The following CPQ variants were observed in gnomAD, a reference collection of about 807,000 sequenced individuals.
CPQ encodes the protein carboxypeptidase Q.
Under a neutral mutation model 45.7 loss-of-function variants are expected in CPQ, and 37 were observed. The observed-to-expected ratio is 0.81, with a 90% CI of 0.62 to 1.07. CPQ has a LOEUF of 1.07. CPQ is among the 50% of genes least tolerant of loss of function. CPQ has a pLI of 0.00. For missense variants in CPQ, 537 were observed against 572.9 expected, an observed-to-expected ratio of 0.94 and a Z score of 0.64; for synonymous variants, 186 against 205.8, an observed-to-expected ratio of 0.90 and a Z score of 0.82.
intron 2 of CPQ, among the ~76,000 whole-genome samples, chr8:96,796,210 A>G (rs780850016): frequency 1.8e-4 from 27 of 152,122 alleles, no homozygotes; most frequent in Non-Finnish European, 3.2e-4. Flanking sequence ...ACCAAAAGTG[A>G]TATTTCCCTA....
At chr8:96,691,325 TATC>T (rs56776275) in intron 1 of CPQ, among the ~76,000 whole-genome samples, 179 of 152,300 alleles carry the variant, frequency 1.2e-3, no homozygotes, top group African/African-American at 4.2e-3. Flanking sequence ...TAAGGATACT[TATC>T]ATTGAATTTA....
At chr8:96,845,329 C>T (rs948981099) in intron 3 of CPQ, among the ~76,000 whole-genome samples, 2 of 152,124 alleles carry the variant, frequency 1.3e-5, no homozygotes, top group East Asian at 1.9e-4. Context: ...CTGTGTCTTT[C>T]GTGTACCTCA....
intron 4 of CPQ, among the ~76,000 whole-genome samples, chr8:96,916,781 C>G (rs550704451): frequency 6.6e-6 from 1 of 151,990 alleles, no homozygotes; most frequent in Non-Finnish European, 1.5e-5. Flanking sequence ...TTAGAATTTT[C>G]TTGTTTTTGA....
At chr8:96,774,126 C>T (rs188678064) in intron 1 of CPQ, among the ~76,000 whole-genome samples, 198 of 152,132 alleles carry the variant, frequency 1.3e-3, no homozygotes, top group African/African-American at 4.2e-3. Flanking sequence ...GAAAAATTAG[C>T]CGGGCACAGT....
intron 7 of CPQ, among the ~76,000 whole-genome samples, chr8:97,076,480 A>T (rs1810848003): frequency 6.6e-6 from 1 of 152,206 alleles, no homozygotes; most frequent in Non-Finnish European, 1.5e-5. Flanking sequence ...GTAAACCAGG[A>T]TTCCAATAAG....
chr8:97,141,037 C>T (rs914486399), intron 7 of CPQ, among the ~76,000 whole-genome samples: 1 of 151,944 alleles, frequency 6.6e-6, no homozygotes, highest in Non-Finnish European at 1.5e-5. Context: ...AAAATCATTT[C>T]CTATTCTGGA....
intron 4 of CPQ, among the ~76,000 whole-genome samples, chr8:96,950,563 A>C (rs1470123270): frequency 6.6e-6 from 1 of 152,078 alleles, no homozygotes; most frequent in Non-Finnish European, 1.5e-5. Flanking sequence ...TTAATTTTCA[A>C]ACTATGCACC....
intron 1 of CPQ, among the ~76,000 whole-genome samples, chr8:96,738,825 G>C (rs889962979): frequency 6.6e-6 from 1 of 152,128 alleles, no homozygotes; most frequent in Non-Finnish European, 1.5e-5. Context: ...ATTCCATGGT[G>C]TATATGTGCC....
intron 1 of CPQ, among the ~76,000 whole-genome samples, chr8:96,690,334 C>T (rs1291144335): frequency 6.6e-6 from 1 of 152,030 alleles, no homozygotes; most frequent in Non-Finnish European, 1.5e-5. Flanking sequence ...GAGAGGGGCA[C>T]CCCATTGTGT....
chr8:96,869,551 G>C lies in CPQ; in HGVS notation c.642-10247G>C, dbSNP rs1046344173. 4.6e-5 allele frequency among the ~76,000 whole-genome samples: 7 copies of C among 152,000 alleles called. No homozygotes were observed. The East Asian group carries it at 1.4e-3, about 29-fold the overall frequency. On this transcript the variant is annotated intron_variant, in intron 3 of 7. Coordinates refer to ENST00000220763, the MANE Select transcript of CPQ (RefSeq NM_016134.4). ...TGCCTTGCACATGGTAACTACTTAG[G>C]TATATTTGTGATCGAGTCTGTGAAA...
chr8:96,711,815 A>C (rs917101090), intron 1 of CPQ, among the ~76,000 whole-genome samples: 1 of 151,970 alleles, frequency 6.6e-6, no homozygotes, highest in Non-Finnish European at 1.5e-5. Context: ...GCCCCTCCCA[A>C]ATCTCATGTC....
chr8:96,848,502 C>T lies in CPQ; in HGVS notation c.641+13322C>T, dbSNP rs1002308051. ...ACTTTGTCTGCATTTTTTATTTGCA[C>T]ATTCTTTGATTGCTCTTTGTATGAC... is the stretch of plus-strand genomic sequence containing the variant. On this transcript the variant is annotated intron_variant, in intron 3 of 7. Coordinates refer to ENST00000220763, the MANE Select transcript of CPQ (RefSeq NM_016134.4). Among the ~76,000 whole-genome samples, 4 of 152,150 alleles carry T rather than the reference C, an allele frequency of 2.6e-5. No homozygotes were observed. The East Asian group carries it at 7.7e-4, about 29-fold the overall frequency.
chr8:96,773,233 T>A (rs1810568509), intron 1 of CPQ, among the ~76,000 whole-genome samples: 2 of 151,014 alleles, frequency 1.3e-5, no homozygotes, highest in African/African-American at 5.0e-5. Context: ...TATTAATAGA[T>A]ATTGTGCTAT....
intron 6 of CPQ, among the ~76,000 whole-genome samples, chr8:97,045,941 G>T (rs1044680815): frequency 5.2e-4 from 79 of 152,306 alleles, no homozygotes; most frequent in African/African-American, 1.9e-3. Context: ...AAGCCAGGAT[G>T]GGCAATACCC....
chr8:96,857,834 T>C (rs190912502), intron 3 of CPQ, among the ~76,000 whole-genome samples: 18 of 152,008 alleles, frequency 1.2e-4, no homozygotes, highest in Non-Finnish European at 2.6e-4. Flanking sequence ...CAAGTCATGA[T>C]AATTCTTATG....
intron 5 of CPQ, among the ~76,000 whole-genome samples, chr8:97,028,254 A>C (rs1809834870): frequency 6.6e-6 from 1 of 152,232 alleles, no homozygotes; most frequent in Non-Finnish European, 1.5e-5. Flanking sequence ...GGCTTAGGAA[A>C]GGAGAGTGCC....
At chr8:96,913,962 A>G (rs1473569498) in intron 4 of CPQ, among the ~76,000 whole-genome samples, 1 of 152,170 alleles carries the variant, frequency 6.6e-6, no homozygotes, top group Non-Finnish European at 1.5e-5. Context: ...TGTTCATTTC[A>G]TTGTATTCAA....
At chr8:96,778,226 T>C (rs1436231942) in intron 1 of CPQ, among the ~76,000 whole-genome samples, 2 of 152,128 alleles carry the variant, frequency 1.3e-5, no homozygotes, top group Non-Finnish European at 2.9e-5. Context: ...GAATGTGATA[T>C]ATTAATATCT....
intron 5 of CPQ, among the ~76,000 whole-genome samples, chr8:96,987,906 A>T (rs1331027038): frequency 1.3e-5 from 2 of 152,228 alleles, no homozygotes. Flanking sequence ...AAGTAACTTG[A>T]TGGCATAAAG....
Sources: gnomAD v4.1 joint callset for allele counts (sites outside exome capture counted in the v4.1 genomes callset) on GRCh38, gnomAD v4.1.1 for gene constraint, MANE v1.5 for transcripts, NCBI Gene and HGNC (gene_info 2026-07-23, HGNC 2026-07-21) for gene names.